Variants in PREX2 observed in about 807,000 individuals in gnomAD.
PREX2 encodes phosphatidylinositol 3,4,5-trisphosphate-dependent Rac exchanger 2 protein.
Under a neutral mutation model 203.2 loss-of-function variants are expected in PREX2, and 107 were observed. The ratio of observed to expected loss-of-function variants is 0.53; its 90% CI spans 0.45 to 0.62. PREX2 has a LOEUF of 0.62. PREX2 is among the 20% of genes least tolerant of loss of function. The pLI is 0.00. For missense variants in PREX2, 1,777 were observed against 1,955.9 expected, an observed-to-expected ratio of 0.91 and a Z score of 1.72; for synonymous variants, 672 against 663.6, an observed-to-expected ratio of 1.01 and a Z score of -0.19.
rs546005637 is a variant in PREX2, at chr8:68,164,829, G to A, written c.4346+7393G>A. Among the ~76,000 whole-genome samples, 10 of 149,732 alleles carry A rather than the reference G, an allele frequency of 6.7e-5. No homozygotes were observed. In the East Asian group the frequency reaches 7.9e-4, roughly 12 times the overall value. On this transcript the variant is annotated intron_variant, in intron 35 of 39. Coordinates refer to ENST00000288368, the MANE Select transcript of PREX2 (RefSeq NM_024870.4). ...ACTCCCAACCTCAGGTGATCTGCCC[G>A]CCTTGGCCTCCCAAAATTCTGGGAT...
At chr8:68,017,748 C>T (rs1459090097) in intron 1 of PREX2, 98 bp from the exon 2 acceptor site, 1 of 948,762 alleles carries the variant, frequency 1.1e-6, no homozygotes, top group Non-Finnish European at 1.6e-6. Context: ...GAGTTTTACA[C>T]TTTGGTTTGT....
At chr8:68,215,682 C>T (rs562929916) in intron 37 of PREX2, among the ~76,000 whole-genome samples, 1 of 147,898 alleles carries the variant, frequency 6.8e-6, no homozygotes, top group South Asian at 2.3e-4. Flanking sequence ...CTACAGGCAC[C>T]CACCACCACC....
At chr8:68,124,250 A>AG (rs1162804539) in intron 30 of PREX2, among the ~76,000 whole-genome samples, 1 of 152,144 alleles carries the variant, frequency 6.6e-6, no homozygotes, top group African/African-American at 2.4e-5. Context: ...AATGCCCATC[A>AG]GTGGTAGACT....
chr8:68,113,669 T>C (rs1259701869), intron 25 of PREX2, among the ~76,000 whole-genome samples: 1 of 152,238 alleles, frequency 6.6e-6, no homozygotes, highest in Non-Finnish European at 1.5e-5. Context: ...CTCACCTCGC[T>C]GTGAGACCTG....
intron 6 of PREX2, among the ~76,000 whole-genome samples, chr8:68,036,050 G>A (rs1808019440): frequency 6.6e-6 from 1 of 152,130 alleles, no homozygotes; most frequent in East Asian, 1.9e-4. Context: ...TCAGTCAATC[G>A]TACTCTTTTT....
chr8:67,970,575 A>G (rs2129018963), intron 1 of PREX2, among the ~76,000 whole-genome samples: 1 of 152,316 alleles, frequency 6.6e-6, no homozygotes, highest in East Asian at 1.9e-4. Context: ...CTAGTTTGGG[A>G]AAATATACCA....
chr8:68,062,244 C>T (rs886521456), intron 11 of PREX2, among the ~76,000 whole-genome samples: 1 of 152,148 alleles, frequency 6.6e-6, no homozygotes, highest in Non-Finnish European at 1.5e-5. Flanking sequence ...TCATCTCCTC[C>T]TTTGCTTCCA....
intron 6 of PREX2, among the ~76,000 whole-genome samples, chr8:68,037,153 G>A (rs973978853): frequency 1.3e-5 from 2 of 152,168 alleles, no homozygotes; most frequent in Middle Eastern, 3.4e-3. Context: ...TAAAATTAAT[G>A]TTCTAAATTT....
At chr8:68,131,043 T>A (rs1229217504) in intron 31 of PREX2, among the ~76,000 whole-genome samples, 1 of 152,182 alleles carries the variant, frequency 6.6e-6, no homozygotes, top group Non-Finnish European at 1.5e-5. Context: ...GCATTTGGTA[T>A]TTGAGGACTG....
At chr8:68,027,051 G>C (rs1807740088) in intron 4 of PREX2, among the ~76,000 whole-genome samples, 171 bp from the exon 5 acceptor site, 1 of 151,976 alleles carries the variant, frequency 6.6e-6, no homozygotes, top group Non-Finnish European at 1.5e-5. Context: ...TCTGTAACTA[G>C]TGTTTCTCTT....
intron 6 of PREX2, among the ~76,000 whole-genome samples, chr8:68,036,075 G>A (rs527736701): frequency 2.0e-5 from 3 of 152,154 alleles, no homozygotes; most frequent in Non-Finnish European, 4.4e-5. Flanking sequence ...CAGGAGTGAG[G>A]AGCTGATGGG....
intron 7 of PREX2, among the ~76,000 whole-genome samples, chr8:68,039,626 T>C (rs72660849): frequency 0.02 from 3,076 of 152,298 alleles, 61 homozygotes; most frequent in South Asian, 0.079. Flanking sequence ...AACCACAGCA[T>C]GGAAGAAATG....
intron 37 of PREX2, among the ~76,000 whole-genome samples, chr8:68,215,201 A>T (rs551297495): frequency 6.6e-6 from 1 of 152,168 alleles, no homozygotes; most frequent in African/African-American, 2.4e-5. Context: ...GGAGAAAGAG[A>T]TCAGTTTAAA....
intron 23 of PREX2, chr8:68,103,453 G>A: frequency 2.0e-6 from 1 of 488,814 alleles, no homozygotes; most frequent in Non-Finnish European, 4.1e-6. Context: ...ACCTGAAGTT[G>A]CATCTTCAGA....
Position 67,984,971 on chromosome 8 carries a change from T to G in PREX2, c.141+32436T>G, listed in dbSNP as rs1806374881. Among the ~76,000 whole-genome samples, 3 of 151,074 alleles carry G rather than the reference T, an allele frequency of 2.0e-5. No homozygotes were observed. In the South Asian group the frequency reaches 6.3e-4, roughly 32 times the overall value. On this transcript the variant is annotated intron_variant, in intron 1 of 39. Transcript: ENST00000288368. ...CCCAGCCCAGTCGCACGGGTCCCTG[T>G]TAGGACTTTGGGCTGTGCTTAAGTA... is the stretch of plus-strand genomic sequence containing the variant.
intron 34 of PREX2, among the ~76,000 whole-genome samples, chr8:68,146,865 C>T (rs1329588339): frequency 6.6e-6 from 1 of 151,914 alleles, no homozygotes; most frequent in African/African-American, 2.4e-5. Flanking sequence ...AATATATATT[C>T]CTTTGTCATT....
intron 1 of PREX2, among the ~76,000 whole-genome samples, chr8:67,962,868 A>G (rs572733262): frequency 1.8e-4 from 28 of 152,262 alleles, no homozygotes; most frequent in Admixed American, 1.6e-3. Context: ...TCGGCCTCCC[A>G]AAGTGCTGGG....
At chr8:67,999,495 A>AAG in intron 1 of PREX2, among the ~76,000 whole-genome samples, 1 of 150,014 alleles carries the variant, frequency 6.7e-6, no homozygotes, top group African/African-American at 2.4e-5. Flanking sequence ...AAAAAAAAAA[A>AAG]GCCCAGAACC....
At position 68,069,820 on chromosome 8, in the gene PREX2, C is replaced by G; in HGVS notation, c.1444-15C>G. ...GTAATCTCACTTGTTTTTGATATAT[C>G]TCTATTTTACGTAGGGTGTAAGATT... On this transcript the variant is annotated splice_polypyrimidine_tract_variant and intron_variant, in intron 12 of 39. Transcript: ENST00000288368. The G allele has an allele frequency of 7.1e-7, 1 of 1,400,308 alleles. No homozygotes were observed. Among genetic ancestry groups the G allele is most frequent in the Non-Finnish European group, 9.9e-7 (1 of 1,007,186 alleles). 86.7% of individuals were successfully genotyped at this position (1,400,308 alleles called of 1,614,324 possible).
Sources: gnomAD v4.1 joint callset for allele counts (sites outside exome capture counted in the v4.1 genomes callset) on GRCh38, gnomAD v4.1.1 for gene constraint, MANE v1.5 for transcripts, NCBI Gene and HGNC (gene_info 2026-07-23, HGNC 2026-07-21) for gene names.